Variants in ZNF43 observed in about 807,000 individuals in gnomAD.
The protein encoded by ZNF43 is zinc finger protein 39-like 1 (KOX 27).
In ZNF43, 44 loss-of-function variants were observed where a neutral mutation model predicts 68.4. The ratio of observed to expected loss-of-function variants is 0.64; its 90% CI spans 0.51 to 0.83. The LOEUF (loss-of-function observed/expected upper bound fraction) is 0.83. ZNF43 is among the 40% of genes least tolerant of loss of function. ZNF43 has a pLI of 0.00. For synonymous variants in ZNF43, 308 were observed against 307.8 expected, an observed-to-expected ratio of 1.00 and a Z score of -0.01; for missense variants, 896 against 933.2, an observed-to-expected ratio of 0.96 and a Z score of 0.52.
chr19:21,809,641 A>T lies in ZNF43; in HGVS notation c.396T>A (p.Asn132Lys). ...TAGCTGGCAAACATTGGTTAAATCCATTATAACCTCCTCTGTGCACCTTAC... is the reference window on the plus strand; with the variant it reads ...TAGCTGGCAAACATTGGTTAAATCCTTTATAACCTCCTCTGTGCACCTTAC... ...DECKVHRGGYNGFNQCLPATQ... is the reference protein window; with the variant it reads ...DECKVHRGGYKGFNQCLPATQ... The change falls in exon 4 of 4, where the codon AAT (asparagine) becomes AAA (lysine). Residue 132 changes from asparagine (N) to lysine (K), a missense_variant. Physicochemically the swap from Asn to Lys is moderately conservative, Grantham distance 94 (BLOSUM62 0). Transcript: ENST00000354959. The T allele has an allele frequency of 6.2e-7, 1 of 1,612,842 alleles. No homozygotes were observed. The highest frequency in any genetic ancestry group is 1.1e-5 in the South Asian group (1 of 90,948).
chr19:21,818,200 T>G (rs996872058), intron 2 of ZNF43, among the ~76,000 whole-genome samples: 3 of 152,016 alleles, frequency 2.0e-5, no homozygotes, highest in Admixed American at 6.6e-5. Flanking sequence ...CCTCCGGGAT[T>G]CAAGCAATTC....
intron 1 of ZNF43, among the ~76,000 whole-genome samples, chr19:21,823,530 G>A (rs1281298691): frequency 6.6e-6 from 1 of 150,794 alleles, no homozygotes; most frequent in Admixed American, 6.6e-5. Context: ...GTGACCCAGA[G>A]CTGACTGCCC....
chr19:21,840,977 A>G (rs1229609751), upstream of ZNF43: 2 of 152,144 alleles, frequency 1.3e-5, no homozygotes, highest in Non-Finnish European at 2.9e-5. Flanking sequence ...GACAGTCACA[A>G]TTTTTACTGT....
intron 3 of ZNF43, among the ~76,000 whole-genome samples, chr19:21,812,951 A>T (rs968992738): frequency 7.2e-5 from 11 of 151,936 alleles, no homozygotes; most frequent in East Asian, 3.9e-4. Context: ...ATAATAATAA[A>T]AAATTACAAA....
chr19:21,810,955 A>G (rs902237111), intron 3 of ZNF43, among the ~76,000 whole-genome samples: 20 of 151,994 alleles, frequency 1.3e-4, no homozygotes, highest in Non-Finnish European at 2.1e-4. Flanking sequence ...CAACAACAAC[A>G]ACGACGACGA....
intron 1 of ZNF43, among the ~76,000 whole-genome samples, chr19:21,829,305 T>G (rs2038311967): frequency 6.6e-6 from 1 of 152,178 alleles, no homozygotes; most frequent in African/African-American, 2.4e-5. Context: ...GAACTGTTCT[T>G]GCTTTTGCAG....
intron 1 of ZNF43, 65 bp downstream of exon 1, chr19:21,835,971 G>A: frequency 6.2e-7 from 1 of 1,610,976 alleles, no homozygotes; most frequent in Non-Finnish European, 8.5e-7. Flanking sequence ...GGAGCTGACT[G>A]CGGGAAGGCC....
At chr19:21,839,604 G>A (rs893850558), upstream of ZNF43, 3 of 152,180 alleles carry the variant, frequency 2.0e-5, no homozygotes, top group Non-Finnish European at 4.4e-5. Flanking sequence ...TGTGCTAATC[G>A]CAGCAATAAG....
At chr19:21,829,504 T>TA (rs569625616) in intron 1 of ZNF43, among the ~76,000 whole-genome samples, 8 of 149,760 alleles carry the variant, frequency 5.3e-5, no homozygotes, top group African/African-American at 7.3e-5. Flanking sequence ...TTTAAAAGAC[T>TA]AAAAAAAAAA....
chr19:21,847,313 C>T (rs376627629), intron 1 of ZNF43, among the ~76,000 whole-genome samples: 11 of 152,142 alleles, frequency 7.2e-5, no homozygotes, highest in East Asian at 5.8e-4. Flanking sequence ...CATTATGTCA[C>T]GATACACAAA....
chr19:21,847,216 T>C (rs1968014089), intron 1 of ZNF43, among the ~76,000 whole-genome samples: 2 of 152,134 alleles, frequency 1.3e-5, no homozygotes, highest in Non-Finnish European at 2.9e-5. Flanking sequence ...TCACATCTCC[T>C]AGTTGATGAA....
chr19:21,829,247 C>G (rs1375431366), intron 1 of ZNF43, among the ~76,000 whole-genome samples: 1 of 151,432 alleles, frequency 6.6e-6, no homozygotes, highest in Non-Finnish European at 1.5e-5. Context: ...ACAAAAAACA[C>G]CACACACAAA....
chr19:21,825,100 G>A (rs1027321278), intron 1 of ZNF43, among the ~76,000 whole-genome samples: 14 of 152,120 alleles, frequency 9.2e-5, no homozygotes, highest in African/African-American at 3.4e-4. Context: ...CGGGCATGTT[G>A]GCATATGCTT....
intron 3 of ZNF43, among the ~76,000 whole-genome samples, chr19:21,814,463 T>C (rs1169990736): frequency 1.3e-5 from 2 of 150,910 alleles, no homozygotes; most frequent in African/African-American, 4.9e-5. Flanking sequence ...CAGGCTGGAG[T>C]GCAACGGCAC....
chr19:21,823,809 T>C (rs1275389408), intron 1 of ZNF43, among the ~76,000 whole-genome samples: 4 of 152,038 alleles, frequency 2.6e-5, no homozygotes. Flanking sequence ...CCTCAGGTGA[T>C]CCATCCATCT....
At chr19:21,823,571 CTTTTTTTTTTTT>C (rs10605024) in intron 1 of ZNF43, among the ~76,000 whole-genome samples, 2 of 83,520 alleles carry the variant, frequency 2.4e-5, no homozygotes, top group East Asian at 3.7e-4. Flanking sequence ...AGAATCAGGC[CTTTTTTTTTTTT>C]TTTTTTTTTT....
intron 1 of ZNF43, among the ~76,000 whole-genome samples, chr19:21,822,150 G>T (rs563061528): frequency 1.8e-5 from 2 of 110,500 alleles, no homozygotes; most frequent in South Asian, 5.9e-4. Context: ...ATGCTAATAT[G>T]AGTTTCACCT....
At chr19:21,823,922 C>T (rs987422128) in intron 1 of ZNF43, among the ~76,000 whole-genome samples, 3 of 152,054 alleles carry the variant, frequency 2.0e-5, no homozygotes, top group Non-Finnish European at 2.9e-5. Flanking sequence ...CAGTGGCTCA[C>T]GAATGTAATC....
At chr19:21,828,620 G>A (rs1412109836) in intron 1 of ZNF43, among the ~76,000 whole-genome samples, 5 of 152,084 alleles carry the variant, frequency 3.3e-5, no homozygotes, top group Non-Finnish European at 7.4e-5. Flanking sequence ...AGGAGGCTGA[G>A]GCAGGAGAAT....
Sources: allele counts gnomAD v4.1 joint callset (sites outside exome capture counted in the v4.1 genomes callset), GRCh38; gene constraint gnomAD v4.1.1; transcripts MANE v1.5; gene names NCBI Gene and HGNC (gene_info 2026-07-23, HGNC 2026-07-21).